Variants in ELOVL5 observed in about 807,000 individuals in gnomAD.
ELOVL5 encodes very long chain fatty acid elongase 5.
A neutral mutation model predicts 38.6 loss-of-function variants in ELOVL5; 8 were observed. That is an observed-to-expected ratio of 0.21 (90% CI 0.12 to 0.37). The LOEUF is 0.37. Ranked by LOEUF, ELOVL5 falls within the 10% of genes least tolerant of loss-of-function variation. The probability of loss-of-function intolerance (pLI) is 1.00; values close to 1 mark genes in which losing one functional copy is unlikely to be tolerated. For synonymous variants in ELOVL5, 127 were observed against 133.7 expected (o/e 0.95, Z 0.34); for missense variants, 280 against 367.8 (o/e 0.76, Z 1.95).
chr6:53,330,075 T>A (rs1768722770), intron 1 of ELOVL5, among the ~76,000 whole-genome samples: 1 of 152,188 alleles, frequency 6.6e-6, no homozygotes, highest in African/African-American at 2.4e-5. Context: ...GGCGATTTCA[T>A]CATGAGAACA....
At chr6:53,323,771 C>T (rs1202094084) in intron 1 of ELOVL5, among the ~76,000 whole-genome samples, 3 of 151,976 alleles carry the variant, frequency 2.0e-5, no homozygotes, top group Admixed American at 1.3e-4. Flanking sequence ...TTAGTAGAGA[C>T]AGGGTTTCTC....
Position 53,275,074 on chromosome 6 carries a change from C to T in ELOVL5, c.496+16G>A, listed in dbSNP as rs759478779. On this transcript the variant is annotated intron_variant, in intron 5 of 7. Coordinates refer to ENST00000304434, the MANE Select transcript of ELOVL5 (RefSeq NM_021814.5). ...TGCTCACACCTGTTCCCCAAGTCCC[C>T]GTCTCTAATACTTACAGTGGCCGCA... 6 of 1,611,944 alleles carry T rather than the reference C, an allele frequency of 3.7e-6. No homozygotes were observed. Among genetic ancestry groups the T allele is most frequent in the African/African-American group, 1.3e-5 (1 of 74,956 alleles).
chr6:53,346,486 C>T (rs995806581), intron 1 of ELOVL5, among the ~76,000 whole-genome samples: 48 of 152,016 alleles, frequency 3.2e-4, no homozygotes, highest in Middle Eastern at 3.4e-3. Flanking sequence ...TGTACATGTG[C>T]GTATTAATAA....
In ELOVL5 at chr6:53,324,769, T is replaced by A. The variant is rs79467099; in HGVS notation, c.-9+24048A>T. ...CTCTGGGATAACTACTTAGTCTTAG[T>A]TTGGAGAGAAAGCAGAGGAATGGGC... is the stretch of plus-strand genomic sequence containing the variant. On this transcript the variant is annotated intron_variant, in intron 1 of 7. Transcript: ENST00000304434. Among the ~76,000 whole-genome samples, 449 of 151,368 alleles carry A rather than the reference T, an allele frequency of 3.0e-3. 3 individuals carry two copies. The highest frequency in any genetic ancestry group is 5.0e-3 in the Non-Finnish European group (337 of 67,896).
chr6:53,320,000 A>G (rs1768231787), intron 1 of ELOVL5, among the ~76,000 whole-genome samples: 2 of 152,180 alleles, frequency 1.3e-5, no homozygotes, highest in South Asian at 4.1e-4. Flanking sequence ...TCACATAGAG[A>G]TGAAGCTAGA....
At chr6:53,304,734 G>A (rs1767412590) in intron 1 of ELOVL5, among the ~76,000 whole-genome samples, 1 of 152,214 alleles carries the variant, frequency 6.6e-6, no homozygotes, top group Non-Finnish European at 1.5e-5. Context: ...AGAGAGCACA[G>A]GGTTGGGGGT....
At chr6:53,272,108 AC>A (rs1419535420) in intron 6 of ELOVL5, among the ~76,000 whole-genome samples, 2 of 152,190 alleles carry the variant, frequency 1.3e-5, no homozygotes, top group Non-Finnish European at 2.9e-5. Flanking sequence ...ATTTTCTCAG[AC>A]TTTTTTTTCA....
intron 1 of ELOVL5, among the ~76,000 whole-genome samples, chr6:53,324,803 CA>C (rs905778373): frequency 3.4e-5 from 5 of 149,244 alleles, no homozygotes; most frequent in Non-Finnish European, 3.0e-5. Flanking sequence ...GCTATCATAC[CA>C]AAAAAAAATC....
At chr6:53,345,306 A>G (rs1191406222) in intron 1 of ELOVL5, among the ~76,000 whole-genome samples, 1 of 152,222 alleles carries the variant, frequency 6.6e-6, no homozygotes, top group Non-Finnish European at 1.5e-5. Context: ...TTTTCAGGTC[A>G]GATGCACAGG....
chr6:53,319,897 CAT>C (rs139551431), intron 1 of ELOVL5, among the ~76,000 whole-genome samples: 1,706 of 152,334 alleles, frequency 0.011, 27 homozygotes, highest in African/African-American at 0.039. Context: ...AGAGTACTCT[CAT>C]ATTATCTGGT....
At chr6:53,298,052 T>C (rs1767087701) in intron 1 of ELOVL5, among the ~76,000 whole-genome samples, 1 of 152,234 alleles carries the variant, frequency 6.6e-6, no homozygotes, top group Non-Finnish European at 1.5e-5. Context: ...TGGCTGTGTC[T>C]ATTTTTTCAA....
chr6:53,348,751 C>T, intron 1 of ELOVL5, 66 bp downstream of exon 1: 1 of 449,556 alleles, frequency 2.2e-6, no homozygotes, highest in South Asian at 1.6e-5. Flanking sequence ...CCCGGCCGCG[C>T]GCTCGCGCGG....
intron 3 of ELOVL5, chr6:53,287,977 G>A: frequency 6.6e-7 from 1 of 1,504,514 alleles, no homozygotes; most frequent in Non-Finnish European, 8.9e-7. Flanking sequence ...CTCTGCTTAG[G>A]GTCTAAGAGG....
intron 2 of ELOVL5, among the ~76,000 whole-genome samples, chr6:53,295,187 T>C (rs1480458878): frequency 6.6e-6 from 1 of 152,212 alleles, no homozygotes; most frequent in Non-Finnish European, 1.5e-5. Flanking sequence ...ATGAAGCTGA[T>C]TTACTTTCTA....
intron 2 of ELOVL5, among the ~76,000 whole-genome samples, chr6:53,293,420 C>G (rs965454936): frequency 6.6e-6 from 1 of 152,124 alleles, no homozygotes; most frequent in Non-Finnish European, 1.5e-5. Context: ...AGGGTCCAAG[C>G]GATTCTCCTG....
intron 1 of ELOVL5, among the ~76,000 whole-genome samples, chr6:53,315,857 T>C (rs954032768): frequency 1.4e-4 from 22 of 152,292 alleles, no homozygotes; most frequent in African/African-American, 5.1e-4. Flanking sequence ...GTGGCAGCAA[T>C]AGGACTAGAT....
At chr6:53,313,352 T>A (rs1028871975) in intron 1 of ELOVL5, among the ~76,000 whole-genome samples, 1 of 150,472 alleles carries the variant, frequency 6.6e-6, no homozygotes, top group African/African-American at 2.5e-5. Flanking sequence ...ACATGGTACA[T>A]AGAAAACTTA....
intron 1 of ELOVL5, among the ~76,000 whole-genome samples, chr6:53,314,608 T>C (rs1351730297): frequency 6.6e-6 from 1 of 152,166 alleles, no homozygotes; most frequent in African/African-American, 2.4e-5. Context: ...ACCTGGTCCT[T>C]TCCCTTCAGC....
At chr6:53,285,986 C>A (rs1766555294) in intron 3 of ELOVL5, among the ~76,000 whole-genome samples, 1 of 152,040 alleles carries the variant, frequency 6.6e-6, no homozygotes, top group Non-Finnish European at 1.5e-5. Flanking sequence ...ATAATGTAAA[C>A]ATAACTTTTA....
Sources: gnomAD v4.1 joint callset for allele counts (sites outside exome capture counted in the v4.1 genomes callset) on GRCh38, gnomAD v4.1.1 for gene constraint, MANE v1.5 for transcripts, NCBI Gene and HGNC (gene_info 2026-07-23, HGNC 2026-07-21) for gene names.